The following AGBL1 variants were observed in gnomAD, a reference collection of about 807,000 sequenced individuals.
The protein encoded by AGBL1 is cytosolic carboxypeptidase 4.
AGBL1 carries 130 observed loss-of-function variants against 118.9 expected under a neutral mutation model. The observed-to-expected ratio is 1.09, with a 90% CI of 0.95 to 1.26. The LOEUF is 1.26. Among genes scored for constraint, AGBL1 ranks in the 50% most tolerant of loss-of-function variants. The pLI is 0.00. For missense variants in AGBL1, 1,584 were observed against 1,298.1 expected (o/e 1.22, Z -3.38); for synonymous variants, 555 against 478.9 (o/e 1.16, Z -2.08).
intron 22 of AGBL1, among the ~76,000 whole-genome samples, chr15:86,891,225 C>T (rs1185252381): frequency 1.3e-5 from 2 of 152,026 alleles, no homozygotes; most frequent in Admixed American, 6.6e-5. Context: ...AATTTTTGTA[C>T]GTTGATGTTG....
intron 3 of AGBL1, among the ~76,000 whole-genome samples, chr15:86,152,094 C>T (rs548965845): frequency 2.1e-3 from 317 of 152,190 alleles, no homozygotes; most frequent in African/African-American, 7.4e-3. Flanking sequence ...CCATACTGCC[C>T]GAAGTAATTT....
intron 18 of AGBL1, among the ~76,000 whole-genome samples, chr15:86,461,203 T>G (rs1362861939): frequency 6.6e-6 from 1 of 152,072 alleles, no homozygotes; most frequent in African/African-American, 2.4e-5. Flanking sequence ...CCATCGGTGG[T>G]AGGGTGTGGG....
chr15:86,824,628 A>G (rs1377547703), intron 22 of AGBL1, among the ~76,000 whole-genome samples: 2 of 152,174 alleles, frequency 1.3e-5, no homozygotes, highest in Non-Finnish European at 2.9e-5. Context: ...GAGTAGCTAA[A>G]ACAATTTTGA....
chr15:86,734,265 A>C (rs1012836764), intron 22 of AGBL1, among the ~76,000 whole-genome samples: 10 of 152,192 alleles, frequency 6.6e-5, no homozygotes, highest in Admixed American at 6.5e-4. Context: ...GTGACTCTAA[A>C]GTATATATTT....
At chr15:86,878,133 T>C (rs2079839236) in intron 22 of AGBL1, among the ~76,000 whole-genome samples, 1 of 152,210 alleles carries the variant, frequency 6.6e-6, no homozygotes, top group African/African-American at 2.4e-5. Flanking sequence ...GTGTTTGCTT[T>C]TGTGTCATGA....
At chr15:86,505,293 T>C (rs1050142543) in intron 18 of AGBL1, among the ~76,000 whole-genome samples, 3 of 149,236 alleles carry the variant, frequency 2.0e-5, no homozygotes, top group Non-Finnish European at 3.0e-5. Flanking sequence ...AGATTAATGT[T>C]TTTCACTAAG....
intron 22 of AGBL1, among the ~76,000 whole-genome samples, chr15:86,899,783 T>A (rs189610700): frequency 3.3e-5 from 5 of 152,108 alleles, no homozygotes; most frequent in Non-Finnish European, 7.4e-5. Context: ...CTGATGCATA[T>A]TGTGATGCAT....
intron 21 of AGBL1, among the ~76,000 whole-genome samples, chr15:86,570,987 C>T (rs758367433): frequency 6.8e-4 from 104 of 152,140 alleles, no homozygotes; most frequent in Non-Finnish European, 9.6e-4. Flanking sequence ...GTGGTCTGGC[C>T]GTTGCACAGT....
At chr15:86,936,697 A>AT (rs1460993867) in intron 23 of AGBL1, among the ~76,000 whole-genome samples, 1 of 152,218 alleles carries the variant, frequency 6.6e-6, no homozygotes, top group Non-Finnish European at 1.5e-5. Context: ...ACTGTAAAAA[A>AT]TCCTGGAAGA....
At chr15:86,452,850 C>T (rs1312119359) in intron 18 of AGBL1, among the ~76,000 whole-genome samples, 3 of 152,142 alleles carry the variant, frequency 2.0e-5, no homozygotes, top group Non-Finnish European at 4.4e-5. Context: ...AAGTGTGTTC[C>T]AGATTCATTC....
intron 1 of AGBL1, among the ~76,000 whole-genome samples, chr15:86,101,496 A>G (rs1475880430): frequency 6.6e-6 from 1 of 152,066 alleles, no homozygotes; most frequent in Non-Finnish European, 1.5e-5. Flanking sequence ...ATTATATTAG[A>G]ATCTACCTGT....
intron 5 of AGBL1, among the ~76,000 whole-genome samples, chr15:86,186,548 A>T (rs2077635962): frequency 6.6e-6 from 1 of 152,170 alleles, no homozygotes; most frequent in African/African-American, 2.4e-5. Context: ...TGTAGTGTTA[A>T]ACGTGAGGGC....
intron 23 of AGBL1, among the ~76,000 whole-genome samples, chr15:86,931,293 G>A (rs556502188): frequency 2.0e-5 from 3 of 152,218 alleles, no homozygotes; most frequent in South Asian, 4.1e-4. Flanking sequence ...TGTAACTTCC[G>A]CTTCCCTGAA....
chr15:86,663,020 G>A (rs1242481050), intron 21 of AGBL1, among the ~76,000 whole-genome samples: 1 of 152,162 alleles, frequency 6.6e-6, no homozygotes, highest in Non-Finnish European at 1.5e-5. Flanking sequence ...GGGGCTTGGA[G>A]GTCTAAGTAA....
chr15:86,451,451 C>G (rs1249583372), intron 18 of AGBL1, among the ~76,000 whole-genome samples: 1 of 152,220 alleles, frequency 6.6e-6, no homozygotes, highest in African/African-American at 2.4e-5. Context: ...ACTAGGATCT[C>G]TCAGAAAACA....
intron 24 of AGBL1, among the ~76,000 whole-genome samples, chr15:86,994,477 C>T (rs2081362390): frequency 6.6e-6 from 1 of 152,048 alleles, no homozygotes; most frequent in Admixed American, 6.6e-5. Flanking sequence ...CTAAAAGACT[C>T]TCTACCATAC....
chr15:86,583,456 T>C (rs1251262200), intron 21 of AGBL1, among the ~76,000 whole-genome samples: 1 of 152,182 alleles, frequency 6.6e-6, no homozygotes, highest in Non-Finnish European at 1.5e-5. Flanking sequence ...GTTCCTGTGT[T>C]AATTTGCTTA....
Position 86,270,791 on chromosome 15 carries a change from G to A in AGBL1, c.1987+724G>A, listed in dbSNP as rs185906632. The stretch of plus-strand genomic sequence containing the variant: ...TGTAACAAATTGTCACAAACTTGGT[G>A]GTTGAAAACAAGACAAATCTGTTCT... On this transcript the variant is annotated intron_variant, in intron 14 of 22. Coordinates refer to ENST00000614907, the MANE Select transcript of AGBL1 (RefSeq NM_001386094.1). 1.4e-4 allele frequency among the ~76,000 whole-genome samples: 22 copies of A among 152,300 alleles called. No homozygotes were observed. In the East Asian group the frequency reaches 4.0e-3, roughly 28 times the overall value.
At chr15:86,643,388 A>G (rs145653262) in intron 21 of AGBL1, among the ~76,000 whole-genome samples, 2 of 152,082 alleles carry the variant, frequency 1.3e-5, no homozygotes, top group Non-Finnish European at 1.5e-5. Context: ...TCTACTTGCA[A>G]TTCTCCTATT....
Sources: allele counts gnomAD v4.1 joint callset (sites outside exome capture counted in the v4.1 genomes callset), GRCh38; gene constraint gnomAD v4.1.1; transcripts MANE v1.5; gene names NCBI Gene and HGNC (gene_info 2026-07-23, HGNC 2026-07-21).